PPP2R2C: variants seen among roughly 807,000 people sequenced by gnomAD.
PPP2R2C encodes the protein protein phosphatase 2, regulatory subunit B, gamma.
Under a neutral mutation model 45.3 loss-of-function variants are expected in PPP2R2C, and 10 were observed. That is an observed-to-expected ratio of 0.22 (90% CI 0.14 to 0.37). PPP2R2C has a LOEUF of 0.37. PPP2R2C is among the 10% of genes least tolerant of loss of function. The probability of loss-of-function intolerance (pLI) is 1.00; values close to 1 mark genes in which losing one functional copy is unlikely to be tolerated. For missense variants in PPP2R2C, 308 were observed against 619.7 expected, an observed-to-expected ratio of 0.50 and a Z score of 5.34; for synonymous variants, 257 against 245.4, an observed-to-expected ratio of 1.05 and a Z score of -0.44.
intron 1 of PPP2R2C, 87 bp downstream of exon 1, chr4:6,472,073 G>T: frequency 3.2e-6 from 5 of 1,539,718 alleles, no homozygotes; most frequent in South Asian, 1.1e-5. Context: ...CACACATCGC[G>T]CGGTCCAAAC....
chr4:6,510,795 G>A (rs1723404178), intron 2 of PPP2R2C, among the ~76,000 whole-genome samples: 1 of 152,016 alleles, frequency 6.6e-6, no homozygotes, highest in African/African-American at 2.4e-5. Flanking sequence ...GGCTAACACA[G>A]TGAAACAATG....
intron 1 of PPP2R2C, among the ~76,000 whole-genome samples, chr4:6,468,039 C>T (rs991245093): frequency 6.6e-6 from 1 of 152,196 alleles, no homozygotes; most frequent in African/African-American, 2.4e-5. Context: ...TGATCACATC[C>T]AGCTATGGCC....
intron 1 of PPP2R2C, among the ~76,000 whole-genome samples, chr4:6,414,279 A>G (rs115087861): frequency 0.014 from 2,174 of 152,250 alleles, 51 homozygotes; most frequent in African/African-American, 0.05. Flanking sequence ...AGCACCCTGC[A>G]TTACTTCCTA....
chr4:6,560,758 G>A (rs926066881), intron 1 of PPP2R2C, among the ~76,000 whole-genome samples: 3 of 152,238 alleles, frequency 2.0e-5, no homozygotes, highest in African/African-American at 7.2e-5. Context: ...AGGCTCTGCA[G>A]AGTCATAAAA....
chr4:6,359,698 C>T (rs191143114), intron 5 of PPP2R2C, among the ~76,000 whole-genome samples: 4 of 152,032 alleles, frequency 2.6e-5, no homozygotes, highest in Admixed American at 2.0e-4. Flanking sequence ...CCCAGCCACG[C>T]GAGCTCAGCC....
intron 1 of PPP2R2C, chr4:6,421,192 G>C (rs1340463928): frequency 1.1e-6 from 1 of 922,952 alleles, no homozygotes; most frequent in Non-Finnish European, 1.3e-6. Flanking sequence ...GGGCCAATCA[G>C]ATGCTCCCAC....
chr4:6,525,571 C>T (rs183853688), intron 2 of PPP2R2C, among the ~76,000 whole-genome samples: 181 of 152,302 alleles, frequency 1.2e-3, no homozygotes, highest in Middle Eastern at 6.8e-3. Flanking sequence ...CCCCCTCCTT[C>T]GCTAAATGCC....
At chr4:6,528,502 G>T (rs1160008843) in intron 2 of PPP2R2C, among the ~76,000 whole-genome samples, 1 of 148,602 alleles carries the variant, frequency 6.7e-6, no homozygotes, top group East Asian at 2.0e-4. Context: ...TGGAGCCCCA[G>T]TCACCAGATC....
At chr4:6,335,221 T>C (rs1732751794) in intron 6 of PPP2R2C, among the ~76,000 whole-genome samples, 3 of 152,000 alleles carry the variant, frequency 2.0e-5, no homozygotes, top group South Asian at 4.2e-4. Context: ...TAAAACTAAG[T>C]GGCGCCCTCC....
chr4:6,472,130 CG>C (rs1392958036), intron 1 of PPP2R2C, 29 bp downstream of exon 1: 1 of 1,612,896 alleles, frequency 6.2e-7, no homozygotes, highest in Non-Finnish European at 8.5e-7. Context: ...CGCGGCCGGC[CG>C]GAGGGGTCTC....
chr4:6,513,872 C>T (rs914199215), intron 2 of PPP2R2C, among the ~76,000 whole-genome samples: 9 of 152,220 alleles, frequency 5.9e-5, no homozygotes, highest in African/African-American at 1.9e-4. Flanking sequence ...GAAGACACCA[C>T]CCACTCTCTC....
At chr4:6,489,977 A>G (rs2108784776) in intron 2 of PPP2R2C, among the ~76,000 whole-genome samples, 1 of 152,332 alleles carries the variant, frequency 6.6e-6, no homozygotes, top group East Asian at 1.9e-4. Context: ...GGAAATTTGG[A>G]AAACAGGCAA....
rs1056113406 is a variant in PPP2R2C at position 6,364,114 on chromosome 4, T to C, written c.625+8409A>G. ...GGCGGGAAATGAACAGGGAACGAGGTAGAGGCCAAGCCTCTAGGGAAGGGG... is the reference window on the plus strand; with the variant it reads ...GGCGGGAAATGAACAGGGAACGAGGCAGAGGCCAAGCCTCTAGGGAAGGGG... On this transcript the variant is annotated intron_variant, in intron 5 of 8. Transcript: ENST00000382599. The surrounding 1 kb of genome is among the most constrained non-coding windows in gnomAD (Gnocchi z 5.3). Among the ~76,000 whole-genome samples, 1 of 152,026 alleles carries C rather than the reference T, an allele frequency of 6.6e-6. No homozygotes were observed. Among genetic ancestry groups the C allele is most frequent in the Non-Finnish European group, 1.5e-5 (1 of 67,974 alleles).
chr4:6,522,821 G>A (rs1334084956), intron 2 of PPP2R2C, among the ~76,000 whole-genome samples: 2 of 152,264 alleles, frequency 1.3e-5, no homozygotes, highest in African/African-American at 2.4e-5. Context: ...GAGGCACTCC[G>A]CCCAGGAGGG....
chr4:6,382,519 G>A lies in PPP2R2C; in HGVS notation c.71-1425C>T, dbSNP rs377226424. 9 of 1,351,716 alleles carry A rather than the reference G, an allele frequency of 6.7e-6. No individual in the cohort carries two copies. In the African/African-American group the frequency reaches 1.0e-4, roughly 16 times the overall value. 83.7% of individuals were successfully genotyped at this position (1,351,716 alleles called of 1,614,324 possible). A position where few individuals can be genotyped will look rare whatever the true frequency, so the allele number is the denominator to read the frequency against. ...AAACCCTTCATTGGTCACCATAACT[G>A]AATTCTGATCCCTCCTCAGCCTCAT... On this transcript the variant is annotated intron_variant, in intron 1 of 8. Coordinates refer to ENST00000382599, the MANE Select transcript of PPP2R2C (RefSeq NM_020416.4).
At chr4:6,350,167 G>A (rs1044002872) in intron 5 of PPP2R2C, 55 of 985,298 alleles carry the variant, frequency 5.6e-5, no homozygotes, top group Non-Finnish European at 6.4e-5. Context: ...ATTAAATAAT[G>A]AAAAATGATA....
chr4:6,462,403 C>T (rs1032692590), intron 1 of PPP2R2C, among the ~76,000 whole-genome samples: 2 of 152,072 alleles, frequency 1.3e-5, no homozygotes, highest in South Asian at 2.1e-4. Flanking sequence ...CACTTGAACC[C>T]GGGAGGCGGG....
rs1341477253 is a variant in PPP2R2C at position 6,321,652 on chromosome 4, C to A, written c.*1650G>T. 2 of 115,788 alleles carry A rather than the reference C, an allele frequency of 1.7e-5. No individual in the cohort carries two copies. The highest frequency in any genetic ancestry group is 2.0e-4 in the Admixed American group (2 of 9,972). 7.2% of individuals were successfully genotyped at this position (115,788 alleles called of 1,614,324 possible). On this transcript the variant is annotated 3_prime_UTR_variant, in exon 9 of 9. Coordinates refer to ENST00000382599, the MANE Select transcript of PPP2R2C (RefSeq NM_020416.4). Reference sequence around the variant, plus strand: ...GGGTTATGTTATATCTTGTAAAAAACAAAACAAAACAAAACCAAAAAAAAA... The same window carrying A: ...GGGTTATGTTATATCTTGTAAAAAAAAAAACAAAACAAAACCAAAAAAAAA...
chr4:6,499,764 T>TA (rs554286267), intron 2 of PPP2R2C, among the ~76,000 whole-genome samples: 5,513 of 131,226 alleles, frequency 0.042, 153 homozygotes, highest in Admixed American at 0.091. Flanking sequence ...CATTGAACCA[T>TA]AAAAAAAAAA....
Sources: gnomAD v4.1 joint callset for allele counts (sites outside exome capture counted in the v4.1 genomes callset) on GRCh38, gnomAD v4.1.1 for gene constraint, Gnocchi (gnomAD v3.1) non-coding constraint, MANE v1.5 for transcripts, NCBI Gene and HGNC (gene_info 2026-07-23, HGNC 2026-07-21) for gene names.